Variants in CHD9 observed in about 807,000 individuals in gnomAD.
CHD9 encodes ATP-dependent chromatin remodeler CHD9.
CHD9 carries 77 observed loss-of-function variants against 316.1 expected under a neutral mutation model. That is an observed-to-expected ratio of 0.24 (90% CI 0.20 to 0.29). The LOEUF (loss-of-function observed/expected upper bound fraction) is 0.29, where lower values mean the gene tolerates loss of function less well. CHD9 is among the 10% of genes least tolerant of loss of function. The probability of loss-of-function intolerance (pLI) is 1.00; values close to 1 mark genes in which losing one functional copy is unlikely to be tolerated. For synonymous variants in CHD9, 1,129 were observed against 1,158.3 expected (o/e 0.97, Z 0.51); for missense variants, 2,763 against 3,438.1 (o/e 0.80, Z 4.91).
At chr16:53,288,122 C>T in intron 27 of CHD9, 108 bp downstream of exon 27, 1 of 800,054 alleles carries the variant, frequency 1.2e-6, no homozygotes, top group South Asian at 1.5e-5. Flanking sequence ...CATAATTCTT[C>T]TGTTCCTCAG....
chr16:53,142,969 G>C (rs2040241022), intron 1 of CHD9, among the ~76,000 whole-genome samples: 1 of 152,166 alleles, frequency 6.6e-6, no homozygotes, highest in Admixed American at 6.5e-5. Context: ...TCCTGTAGTA[G>C]AAAGCAGAGG....
At chr16:53,058,164 AG>A (rs2032393486) in intron 1 of CHD9, among the ~76,000 whole-genome samples, 1 of 152,186 alleles carries the variant, frequency 6.6e-6, no homozygotes, top group African/African-American at 2.4e-5. Context: ...TCTGTCTCCC[AG>A]GCTGGAGTGC....
chr16:53,202,442 A>G (rs1187637520), intron 2 of CHD9, among the ~76,000 whole-genome samples: 1 of 144,566 alleles, frequency 6.9e-6, no homozygotes, highest in Non-Finnish European at 1.5e-5. Flanking sequence ...CTTAAGTCTC[A>G]TCTACTCTGT....
intron 2 of CHD9, among the ~76,000 whole-genome samples, chr16:53,159,533 A>G (rs1182363406): frequency 6.6e-6 from 1 of 152,114 alleles, no homozygotes; most frequent in Non-Finnish European, 1.5e-5. Flanking sequence ...TTAGGGATCC[A>G]TTTTTCATTT....
chr16:53,185,988 C>A (rs1197836447), intron 2 of CHD9, among the ~76,000 whole-genome samples: 1 of 152,210 alleles, frequency 6.6e-6, no homozygotes, highest in African/African-American at 2.4e-5. Context: ...TCTGCTAGGG[C>A]AGTGTGGAGG....
intron 20 of CHD9, 51 bp from the exon 21 acceptor site, chr16:53,267,243 G>C (rs949232944): frequency 9.2e-6 from 12 of 1,303,374 alleles, no homozygotes; most frequent in Non-Finnish European, 1.2e-5. Flanking sequence ...GAACACTGTT[G>C]TAAGCAAAAT....
chr16:53,082,630 G>T (rs949562239), intron 1 of CHD9, among the ~76,000 whole-genome samples: 2 of 152,178 alleles, frequency 1.3e-5, no homozygotes, highest in Admixed American at 1.3e-4. Flanking sequence ...TGCCCTGTTG[G>T]TCCCTTACTT....
chr16:53,168,147 C>T (rs775204162), intron 2 of CHD9, among the ~76,000 whole-genome samples: 31 of 151,938 alleles, frequency 2.0e-4, no homozygotes, highest in Non-Finnish European at 1.6e-4. Flanking sequence ...TTGCAACCTC[C>T]GCCTCCCGGG....
chr16:53,161,878 A>G (rs902292996), intron 2 of CHD9, among the ~76,000 whole-genome samples: 5 of 152,094 alleles, frequency 3.3e-5, no homozygotes, highest in African/African-American at 4.8e-5. Flanking sequence ...CAGCTTCCCA[A>G]GCAGCTTGGC....
chr16:53,132,025 G>A (rs2039362904), intron 1 of CHD9, among the ~76,000 whole-genome samples: 1 of 152,196 alleles, frequency 6.6e-6, no homozygotes, highest in Admixed American at 6.5e-5. Flanking sequence ...GAAAGCCCGG[G>A]TGTCTCACTG....
intron 8 of CHD9, among the ~76,000 whole-genome samples, chr16:53,229,664 A>G (rs111289639): frequency 7.2e-5 from 11 of 152,340 alleles, no homozygotes; most frequent in African/African-American, 2.6e-4. Flanking sequence ...AAATAGTACA[A>G]TGAATTCTCA....
Position 53,307,741 on chromosome 16 carries a change from C to T in CHD9, c.6841C>T (p.Pro2281Ser). Residue 2281 changes from proline (P) to serine (S), a missense_variant, in exon 33 of 39, where the codon CCT becomes TCT. By Grantham distance (74) the Pro-to-Ser change is moderately conservative. Transcript: ENST00000447540. ...ICQTVLKGKW[P>S]SARRSYDANT... ...TCAAACAGTTCTGAAAGGAAAGTGG[C>T]CTTCAGCTAGAAGAAGTTATGATGC... 1.2e-6 allele frequency: 2 copies of T among 1,612,434 alleles called. No homozygotes were observed. Among genetic ancestry groups the T allele is most frequent in the South Asian group, 1.1e-5 (1 of 90,680 alleles).
At chr16:53,270,074 G>A (rs575729400) in intron 22 of CHD9, among the ~76,000 whole-genome samples, 5 of 151,910 alleles carry the variant, frequency 3.3e-5, no homozygotes, top group Non-Finnish European at 5.9e-5. Context: ...ACGTGAACAC[G>A]GCTCACTGCA....
At chr16:53,232,203 A>G (rs1030843558) in intron 10 of CHD9, among the ~76,000 whole-genome samples, 1 of 152,186 alleles carries the variant, frequency 6.6e-6, no homozygotes, top group African/African-American at 2.4e-5. Context: ...TCTAAATGCT[A>G]TTCCTTGAAC....
chr16:53,086,260 T>C (rs2035452126), intron 1 of CHD9, among the ~76,000 whole-genome samples: 2 of 152,198 alleles, frequency 1.3e-5, no homozygotes, highest in South Asian at 4.1e-4. Flanking sequence ...CTAGACTCAC[T>C]GTTTTCTTAA....
intron 2 of CHD9, among the ~76,000 whole-genome samples, chr16:53,198,820 G>A (rs1043057089): frequency 6.6e-6 from 1 of 152,094 alleles, no homozygotes; most frequent in Non-Finnish European, 1.5e-5. Context: ...CTGTACAGAT[G>A]GAATGGGAAC....
chr16:53,317,824 C>T (rs1182204644), intron 36 of CHD9, among the ~76,000 whole-genome samples: 1 of 151,954 alleles, frequency 6.6e-6, no homozygotes, highest in Non-Finnish European at 1.5e-5. Context: ...GAGGCCTAGG[C>T]GGGAGGATAG....
intron 19 of CHD9, among the ~76,000 whole-genome samples, chr16:53,261,282 A>T (rs947548115): frequency 3.3e-4 from 50 of 151,206 alleles, no homozygotes; most frequent in African/African-American, 1.2e-3. Flanking sequence ...TACATTTATT[A>T]CCTGGTAAGC....
chr16:53,098,476 A>AT (rs1491528216), intron 1 of CHD9, among the ~76,000 whole-genome samples: 8 of 71,454 alleles, frequency 1.1e-4, no homozygotes, highest in Non-Finnish European at 2.6e-4. Context: ...ACTCCGTCTC[A>AT]AAAAAAAAAA....
Sources: gnomAD v4.1 joint callset for allele counts (sites outside exome capture counted in the v4.1 genomes callset) on GRCh38, gnomAD v4.1.1 for gene constraint, MANE v1.5 for transcripts, NCBI Gene and HGNC (gene_info 2026-07-23, HGNC 2026-07-21) for gene names.